GJA10: variants seen among roughly 807,000 people sequenced by gnomAD.
GJA10 encodes the protein gap junction protein alpha 10.
For synonymous variants in GJA10, 239 were observed against 233.0 expected, an observed-to-expected ratio of 1.03 and a Z score of -0.23; for missense variants, 685 against 651.9, an observed-to-expected ratio of 1.05 and a Z score of -0.55.
Position 89,895,819 on chromosome 6 carries a change from G to C in GJA10, c.1351G>C (p.Gly451Arg). 6.2e-7 allele frequency: 1 copy of C among 1,614,146 alleles called. No homozygotes were observed. Among genetic ancestry groups the C allele is most frequent in the Non-Finnish European group, 8.5e-7 (1 of 1,180,026 alleles). The stretch of plus-strand genomic sequence containing the variant: ...TCTGCACAGTGACTCAGGAAGCTCT[G>C]GTTCTCGGAATAGCTCCTGCTTGGA... The part of the protein sequence containing the change: ...RHLHSDSGSS[G>R]SRNSSCLDFP... The change falls in exon 1 of 1, where the codon GGT becomes CGT. Residue 451 changes from glycine (G) to arginine (R), a missense_variant. By Grantham distance (125) the Gly-to-Arg change is moderately radical. Coordinates refer to ENST00000369352, the MANE Select transcript of GJA10 (RefSeq NM_032602.2).
At position 89,894,800 on chromosome 6, in the gene GJA10, A is replaced by C. The variant is rs775524517; in HGVS notation, c.332A>C (p.Lys111Thr). The C allele has an allele frequency of 5.6e-6, 9 of 1,614,110 alleles. No homozygotes were observed. The Admixed American group carries it at 1.5e-4, about 27-fold the overall frequency. ...RAFEKDRQRK[K>T]SHLRAQMENP... ...TTTGAGAAAGACAGGCAGAGGAAAA[A>C]GTCACACCTTAGAGCCCAGATGGAG... Residue 111 changes from lysine to threonine, a missense_variant, in exon 1 of 1, where the codon AAG (lysine) becomes ACG (threonine). By Grantham distance (78) the Lys-to-Thr change is moderately conservative. Coordinates refer to ENST00000369352, the MANE Select transcript of GJA10 (RefSeq NM_032602.2).
rs758674405 is a variant in GJA10 at position 89,895,422 on chromosome 6, G to A, written c.954G>A (p.Gly318=). The change falls in exon 1 of 1, where the codon GGG becomes GGA. Residue 318 remains glycine (G), a synonymous_variant. Transcript: ENST00000369352. ...AACTTGAAGTAGACCCTTCCAATGG[G>A]AAAAAGGACTGGTCTGAGAAGGATC... ...PRQLEVDPSN[G]KKDWSEKDQH... The A allele has an allele frequency of 1.9e-6, 3 of 1,614,058 alleles. No homozygotes were observed. The African/African-American group carries it at 4.0e-5, about 22-fold the overall frequency.
Position 89,895,122 on chromosome 6 carries a change from T to G in GJA10, c.654T>G (p.Ile218Met). The G allele has an allele frequency of 1.2e-6, 2 of 1,614,192 alleles. No homozygotes were observed. Among genetic ancestry groups the G allele is most frequent in the East Asian group, 2.2e-5 (1 of 44,884 alleles). ...KTIFMLFMHS[I>M]AAISLLLNIL... ...TTTTCATGCTTTTTATGCACAGCATTGCAGCCATTTCCTTGTTACTCAATA... is the reference window on the plus strand; with the variant it reads ...TTTTCATGCTTTTTATGCACAGCATGGCAGCCATTTCCTTGTTACTCAATA... The change falls in exon 1 of 1, where the codon ATT (isoleucine) becomes ATG (methionine). Residue 218 changes from isoleucine to methionine, a missense_variant. Transcript: ENST00000369352.
Position 89,895,674 on chromosome 6 carries a change from T to C in GJA10, c.1206T>C (p.Leu402=). The change falls in exon 1 of 1, where the codon CTT becomes CTC. Residue 402 remains leucine (L), a synonymous_variant. Coordinates refer to ENST00000369352, the MANE Select transcript of GJA10 (RefSeq NM_032602.2). Reference sequence around the variant, plus strand: ...CCTCAGGTGAGCCTCTCACAGATCTTCATAGTCACTGCAGAGACAGTGAAG... The same window carrying C: ...CCTCAGGTGAGCCTCTCACAGATCTCCATAGTCACTGCAGAGACAGTGAAG... ...PEPSGEPLTD[L]HSHCRDSEGS... 1 of 1,614,208 alleles carries C rather than the reference T, an allele frequency of 6.2e-7. No individual in the cohort carries two copies. The highest frequency in any genetic ancestry group is 2.2e-5 in the East Asian group (1 of 44,884).
rs771100105 is a variant in GJA10, at chr6:89,895,075, T to A, written c.607T>A (p.Ser203Thr). ...CCCCAATGCGGTGGATTGCTTTGTA[T>A]CCAGGCCCACTGAGAAGACAATTTT... is the stretch of plus-strand genomic sequence containing the variant. ...PCPNAVDCFVSRPTEKTIFML... is the reference protein window; with the variant it reads ...PCPNAVDCFVTRPTEKTIFML... Residue 203 changes from serine (S) to threonine (T), a missense_variant, in exon 1 of 1, where the codon TCC becomes ACC. Coordinates refer to ENST00000369352, the MANE Select transcript of GJA10 (RefSeq NM_032602.2). 9.3e-6 allele frequency: 15 copies of A among 1,614,056 alleles called. No individual in the cohort carries two copies. Among genetic ancestry groups the A allele is most frequent in the Non-Finnish European group, 1.3e-5 (15 of 1,180,048 alleles).
intron 1 of GJA10, chr6:89,896,034 AG>A: frequency 6.2e-7 from 1 of 1,610,104 alleles, no homozygotes. Flanking sequence ...AGGCAGATGG[AG>A]GGGGAGATTA....
rs1278340492 is a variant in GJA10 at position 89,894,651 on chromosome 6, C to A, written c.183C>A (p.Cys61Ter). ...CCTGCAACACCCGGCAGCCAGGTTGCAACAATATCTGTTATGATGATGCAT... is the reference window on the plus strand; with the variant it reads ...CCTGCAACACCCGGCAGCCAGGTTGAAACAATATCTGTTATGATGATGCAT... The change falls in exon 1 of 2, where the codon TGC (cysteine) becomes TGA (stop). Residue 61 changes from cysteine to a stop codon, truncating the protein, a stop_gained. Coordinates refer to the GJA10 transcript ENST00000638915. LOFTEE classifies it high-confidence loss of function. 6.2e-7 allele frequency: 1 copy of A among 1,614,210 alleles called. No homozygotes were observed. The highest frequency in any genetic ancestry group is 1.7e-5 in the Admixed American group (1 of 60,026).
rs139228358 is a variant in GJA10 at position 89,895,189 on chromosome 6, A to C, written c.721A>C (p.Thr241Pro). The C allele has an allele frequency of 3.7e-6, 6 of 1,614,024 alleles. No individual in the cohort carries two copies. The highest frequency in any genetic ancestry group is 5.1e-6 in the Non-Finnish European group (6 of 1,180,036). Residue 241 changes from threonine (T) to proline (P), a missense_variant, in exon 1 of 1, where the codon ACA becomes CCA. Transcript: ENST00000369352. ...FHLGIRKIMR[T>P]LYKKSSSEGI... ...TCTAGGCATCAGAAAAATTATGAGGACACTTTATAAGAAATCCAGCAGTGA... is the reference window on the plus strand; with the variant it reads ...TCTAGGCATCAGAAAAATTATGAGGCCACTTTATAAGAAATCCAGCAGTGA...
rs770565371 is a variant in GJA10, at chr6:89,895,790, G to A, written c.1322G>A (p.Arg441Gln). 30 of 1,614,158 alleles carry A rather than the reference G, an allele frequency of 1.9e-5. No individual in the cohort carries two copies. The highest frequency in any genetic ancestry group is 2.3e-5 in the Non-Finnish European group (27 of 1,180,028). Residue 441 changes from arginine (R) to glutamine (Q), a missense_variant, in exon 1 of 1, where the codon CGA (arginine) becomes CAA (glutamine). Coordinates refer to ENST00000369352, the MANE Select transcript of GJA10 (RefSeq NM_032602.2). ...SFLSRLLSEK[R>Q]HLHSDSGSSG... is the part of the protein sequence containing the mutation. ...CTGTCCAGATTGTTGTCTGAAAAGCGACATCTGCACAGTGACTCAGGAAGC... is the reference window on the plus strand; with the variant it reads ...CTGTCCAGATTGTTGTCTGAAAAGCAACATCTGCACAGTGACTCAGGAAGC...
rs766383813 is a variant in GJA10, at chr6:89,894,912, T to A, written c.444T>A (p.Pro148=). 1.2e-6 allele frequency: 2 copies of A among 1,614,162 alleles called. No individual in the cohort carries two copies. Among genetic ancestry groups the A allele is most frequent in the Non-Finnish European group, 1.7e-6 (2 of 1,180,028 alleles). Residue 148 remains proline, a synonymous_variant, in exon 1 of 1, where the codon CCT becomes CCA. Coordinates refer to ENST00000369352, the MANE Select transcript of GJA10 (RefSeq NM_032602.2). ...AGCAGAAGAGGATCCATAAAGTCCC[T>A]CTGAAAGGATGTCTGCTGCGTACTT... ...LEEQKRIHKV[P]LKGCLLRTYV...
rs753071630 is a variant in GJA10, at chr6:89,894,650, G to T, written c.182G>T (p.Cys61Phe). Reference protein sequence around the residue: ...AFACNTRQPGCNNICYDDAFP... With the variant: ...AFACNTRQPGFNNICYDDAFP... The stretch of plus-strand genomic sequence containing the variant: ...GCCTGCAACACCCGGCAGCCAGGTT[G>T]CAACAATATCTGTTATGATGATGCA... Residue 61 changes from cysteine to phenylalanine, a missense_variant, in exon 1 of 1, where the codon TGC (cysteine) becomes TTC (phenylalanine). By Grantham distance (205) the Cys-to-Phe change is radical (BLOSUM62 -2). Coordinates refer to ENST00000369352, the MANE Select transcript of GJA10 (RefSeq NM_032602.2). 4 of 1,614,112 alleles carry T rather than the reference G, an allele frequency of 2.5e-6. No individual in the cohort carries two copies. Among genetic ancestry groups the T allele is most frequent in the African/African-American group, 1.3e-5 (1 of 74,932 alleles).
chr6:89,895,651 T>C lies in GJA10; in HGVS notation c.1183T>C (p.Ser395Pro). Reference sequence around the variant, plus strand: ...GGAGCAGTCCCAGGACCCAGAACCCTCAGGTGAGCCTCTCACAGATCTTCA... The same window carrying C: ...GGAGCAGTCCCAGGACCCAGAACCCCCAGGTGAGCCTCTCACAGATCTTCA... ...TWEQSQDPEP[S>P]GEPLTDLHSH... The change falls in exon 1 of 1, where the codon TCA (serine) becomes CCA (proline). Residue 395 changes from serine (S) to proline (P), a missense_variant. Coordinates refer to ENST00000369352, the MANE Select transcript of GJA10 (RefSeq NM_032602.2). 6.2e-7 allele frequency: 1 copy of C among 1,614,138 alleles called. No individual in the cohort carries two copies. Among genetic ancestry groups the C allele is most frequent in the Non-Finnish European group, 8.5e-7 (1 of 1,180,026 alleles).
rs762132036 is a variant in GJA10 at position 89,896,031 on chromosome 6, T to C, written c.1563T>C (p.Asp521=). The C allele has an allele frequency of 1.6e-5, 25 of 1,610,900 alleles. No individual in the cohort carries two copies. Among genetic ancestry groups the C allele is most frequent in the Non-Finnish European group, 2.1e-5 (25 of 1,177,390 alleles). ...ATGTTTGTGTTGACAGAGAGGCAGA[T>C]GGAGGGGGAGATTATTTATGGAGAG... ...CMYVCVDREA[D]GGGDYLWRDK... is the part of the protein sequence containing the mutation. Residue 521 remains aspartate, a synonymous_variant, in exon 1 of 1, where the codon GAT becomes GAC. Coordinates refer to ENST00000369352, the MANE Select transcript of GJA10 (RefSeq NM_032602.2).
rs1771724744 is a variant in GJA10 at position 89,895,037 on chromosome 6, C to G, written c.569C>G (p.Thr190Ser). The G allele has an allele frequency of 6.2e-7, 1 of 1,614,206 alleles. No homozygotes were observed. Among genetic ancestry groups the G allele is most frequent in the Non-Finnish European group, 8.5e-7 (1 of 1,180,036 alleles). ...CAAATGCACCCCCTTTACAAATGCA[C>G]TCAACCTCCTTGCCCCAATGCGGTG... ...GFQMHPLYKCTQPPCPNAVDC... is the reference protein window; with the variant it reads ...GFQMHPLYKCSQPPCPNAVDC... The change falls in exon 1 of 1, where the codon ACT becomes AGT. Residue 190 changes from threonine (T) to serine (S), a missense_variant. Transcript: ENST00000369352.
At position 89,895,319 on chromosome 6, in the gene GJA10, A is replaced by G. The variant is rs777308753; in HGVS notation, c.851A>G (p.Gln284Arg). The G allele has an allele frequency of 1.9e-6, 3 of 1,614,210 alleles. No individual in the cohort carries two copies. The highest frequency in any genetic ancestry group is 2.5e-6 in the Non-Finnish European group (3 of 1,180,040). ...SSLPERISPL[Q>R]ANNQQQVIRV... ...TTGCCTGAAAGAATCTCTCCACTTCAAGCTAACAATCAACAGCAAGTCATT... is the reference window on the plus strand; with the variant it reads ...TTGCCTGAAAGAATCTCTCCACTTCGAGCTAACAATCAACAGCAAGTCATT... Residue 284 changes from glutamine (Q) to arginine (R), a missense_variant, in exon 1 of 1, where the codon CAA becomes CGA. By Grantham distance (43) the Gln-to-Arg change is conservative. Transcript: ENST00000369352.
Position 89,894,993 on chromosome 6 carries a change from A to G in GJA10, c.525A>G (p.Gln175=). The G allele has an allele frequency of 6.2e-7, 1 of 1,614,166 alleles. No homozygotes were observed. The highest frequency in any genetic ancestry group is 8.5e-7 in the Non-Finnish European group (1 of 1,180,028). Residue 175 remains glutamine (Q), a synonymous_variant, in exon 1 of 1, where the codon CAA becomes CAG. Coordinates refer to ENST00000369352, the MANE Select transcript of GJA10 (RefSeq NM_032602.2). ...TGGAAGTAGGATTCATGATAGGCCA[A>G]TATATTCTCTATGGGTTTCAAATGC... is the stretch of plus-strand genomic sequence containing the variant. ...SVLEVGFMIG[Q]YILYGFQMHP...
intron 1 of GJA10, chr6:89,895,979 CT>C (rs1771757482): frequency 6.2e-7 from 1 of 1,613,952 alleles, no homozygotes; most frequent in South Asian, 1.1e-5. Flanking sequence ...TTTCTTTTTC[CT>C]TTCTTTCTTC....
chr6:89,895,086 T>C lies in GJA10; in HGVS notation c.618T>C (p.Thr206=), dbSNP rs774613006. 36 of 1,614,188 alleles carry C rather than the reference T, an allele frequency of 2.2e-5. No homozygotes were observed. The highest frequency in any genetic ancestry group is 2.2e-4 in the East Asian group (10 of 44,880). ...TGGATTGCTTTGTATCCAGGCCCAC[T>C]GAGAAGACAATTTTCATGCTTTTTA... The part of the protein sequence containing the change: ...NAVDCFVSRP[T]EKTIFMLFMH... Residue 206 remains threonine, a synonymous_variant, in exon 1 of 1, where the codon ACT becomes ACC. Transcript: ENST00000369352.
At position 89,894,889 on chromosome 6, in the gene GJA10, C is replaced by A. The variant is rs1398490096; in HGVS notation, c.421C>A (p.Gln141Lys). The change falls in exon 1 of 1, where the codon CAG becomes AAG. Residue 141 changes from glutamine to lysine, a missense_variant. Physicochemically the swap from Gln to Lys is moderately conservative, Grantham distance 53 (BLOSUM62 1). Transcript: ENST00000369352. ...IDRELRRLEE[Q>K]KRIHKVPLKG... ...TAGGGAACTGAGGAGGTTAGAGGAG[C>A]AGAAGAGGATCCATAAAGTCCCTCT... 3 of 1,614,132 alleles carry A rather than the reference C, an allele frequency of 1.9e-6. No homozygotes were observed. Among genetic ancestry groups the A allele is most frequent in the Admixed American group, 1.7e-5 (1 of 60,008 alleles).
Sources: gnomAD v4.1 joint callset for allele counts on GRCh38, gnomAD v4.1.1 for gene constraint, MANE v1.5 for transcripts, NCBI Gene and HGNC (gene_info 2026-07-23, HGNC 2026-07-21) for gene names.